The following DPP10 variants were observed in gnomAD, a reference collection of about 807,000 sequenced individuals.
DPP10 encodes inactive dipeptidyl peptidase 10.
Under a neutral mutation model 120.9 loss-of-function variants are expected in DPP10, and 33 were observed. The observed-to-expected ratio is 0.27, with a 90% CI of 0.21 to 0.37. DPP10 has a LOEUF of 0.37. DPP10 is among the 10% of genes least tolerant of loss of function. The pLI, the probability that DPP10 is intolerant of heterozygous loss-of-function variation, is 1.00. For synonymous variants in DPP10, 337 were observed against 326.1 expected (o/e 1.03, Z -0.36); for missense variants, 816 against 942.8 (o/e 0.87, Z 1.76).
intron 3 of DPP10, among the ~76,000 whole-genome samples, chr2:115,365,551 G>T (rs1321868975): frequency 6.6e-6 from 1 of 151,774 alleles, no homozygotes; most frequent in Non-Finnish European, 1.5e-5. Context: ...TCTAAGACTG[G>T]GATTCTTTAT....
intron 11 of DPP10, among the ~76,000 whole-genome samples, chr2:115,761,784 T>G (rs1208077348): frequency 6.6e-6 from 1 of 152,076 alleles, no homozygotes; most frequent in African/African-American, 2.4e-5. Context: ...TAAAAACATA[T>G]AAATAATTTA....
In DPP10 at chr2:115,521,233, G is replaced by A. The variant is rs78408467; in HGVS notation, c.367-4665G>A. 3.6e-3 allele frequency among the ~76,000 whole-genome samples: 546 copies of A among 152,224 alleles called. 3 individuals carry two copies. The highest frequency in any genetic ancestry group is 0.012 in the African/African-American group (507 of 41,538). On this transcript the variant is annotated intron_variant, in intron 4 of 25. Transcript: ENST00000410059. ...CCATGTTCATAACTGCATGATTACT[G>A]GCCCACCCGGTAGAGCATGTCATTT...
chr2:115,356,107 T>A (rs1574537767), intron 3 of DPP10, among the ~76,000 whole-genome samples: 1 of 152,050 alleles, frequency 6.6e-6, no homozygotes, highest in Non-Finnish European at 1.5e-5. Flanking sequence ...TCAATGGTAG[T>A]TTGATGGGAA....
intron 3 of DPP10, among the ~76,000 whole-genome samples, chr2:115,474,826 T>TG (rs1488002845): frequency 6.6e-6 from 1 of 151,288 alleles, no homozygotes; most frequent in Non-Finnish European, 1.5e-5. Context: ...GCCAAGACAA[T>TG]GGGGAAAGAG....
chr2:115,677,107 T>G (rs2090326400), intron 5 of DPP10, among the ~76,000 whole-genome samples: 1 of 152,032 alleles, frequency 6.6e-6, no homozygotes, highest in Non-Finnish European at 1.5e-5. Flanking sequence ...CTTTAGAAAT[T>G]AAGGAGAAAT....
At chr2:115,095,149 T>C (rs1345102272) in intron 1 of DPP10, among the ~76,000 whole-genome samples, 4 of 152,180 alleles carry the variant, frequency 2.6e-5, no homozygotes, top group East Asian at 3.9e-4. Flanking sequence ...AATTAAACAA[T>C]TGAAATGAAT....
intron 1 of DPP10, among the ~76,000 whole-genome samples, chr2:114,761,887 A>G (rs1680314069): frequency 6.6e-6 from 1 of 152,136 alleles, no homozygotes; most frequent in Admixed American, 6.5e-5. Flanking sequence ...TTGATTTTTC[A>G]TTTTACCTAA....
chr2:115,286,502 A>ACATATATT (rs2060387916), intron 1 of DPP10, among the ~76,000 whole-genome samples: 6 of 44,450 alleles, frequency 1.3e-4, no homozygotes, highest in Admixed American at 1.2e-3. Context: ...ATATATATAT[A>ACATATATT]TTACATATAT....
At chr2:115,459,577 T>C (rs1284528810) in intron 3 of DPP10, among the ~76,000 whole-genome samples, 5 of 152,134 alleles carry the variant, frequency 3.3e-5, no homozygotes, top group Non-Finnish European at 1.5e-5. Flanking sequence ...TTGTGATACA[T>C]AAAATATATA....
intron 1 of DPP10, among the ~76,000 whole-genome samples, chr2:114,447,821 G>GA (rs1244383961): frequency 4.6e-5 from 7 of 152,088 alleles, no homozygotes; most frequent in African/African-American, 1.4e-4. Context: ...GAAATCAAAA[G>GA]AAAAAACTTA....
intron 5 of DPP10, among the ~76,000 whole-genome samples, chr2:115,667,539 C>T (rs1382095739): frequency 1.3e-5 from 2 of 152,068 alleles, no homozygotes; most frequent in Non-Finnish European, 2.9e-5. Flanking sequence ...AGAAAGGGTA[C>T]AGTTTCATTC....
chr2:114,659,888 C>T (rs1697262537), intron 1 of DPP10, among the ~76,000 whole-genome samples: 1 of 152,140 alleles, frequency 6.6e-6, no homozygotes, highest in African/African-American at 2.4e-5. Context: ...ATGCAGCTAC[C>T]AGCCACGTAA....
chr2:114,981,534 T>C (rs1700091338), intron 1 of DPP10, among the ~76,000 whole-genome samples: 2 of 152,202 alleles, frequency 1.3e-5, no homozygotes, highest in African/African-American at 4.8e-5. Context: ...AATAGTCTAC[T>C]ACTGGGAATT....
chr2:115,526,028 A>T, intron 5 of DPP10, 56 bp downstream of exon 5: 1 of 1,450,774 alleles, frequency 6.9e-7, no homozygotes, highest in South Asian at 1.2e-5. Context: ...TGGGGTGACA[A>T]TGCATAATTT....
At chr2:114,920,142 G>C (rs1233578353) in intron 1 of DPP10, among the ~76,000 whole-genome samples, 1 of 152,160 alleles carries the variant, frequency 6.6e-6, no homozygotes, top group East Asian at 1.9e-4. Flanking sequence ...GCTTCGGGAG[G>C]GGTGGAGAGG....
rs1332692582 is a variant in DPP10 at position 114,702,038 on chromosome 2, A to AAG, written c.60+259201_60+259202dup. Among the ~76,000 whole-genome samples, 12 of 152,256 alleles carry AAG rather than the reference A, an allele frequency of 7.9e-5. No homozygotes were observed. In the South Asian group the frequency reaches 2.3e-3, roughly 29 times the overall value. On this transcript the variant is annotated intron_variant, in intron 1 of 25. Transcript: ENST00000410059. ...CCAAATTTACTCACTGTCTTTGAAG[A>AAG]AGCTGGTCCTCTGAGCATCTGTAAG...
intron 1 of DPP10, among the ~76,000 whole-genome samples, chr2:114,770,649 A>G (rs906489263): frequency 4.6e-5 from 7 of 152,202 alleles, no homozygotes; most frequent in Non-Finnish European, 1.0e-4. Flanking sequence ...CATTTGTATA[A>G]CTGGGGTGGA....
chr2:115,207,416 C>CAAAAAAAAAAAAAAA (rs57462947), intron 1 of DPP10, among the ~76,000 whole-genome samples: 4 of 52,300 alleles, frequency 7.6e-5, no homozygotes, highest in African/African-American at 2.6e-4. Flanking sequence ...CTTACTGCAC[C>CAAAAAAAAAAAAAAA]AAAAAAAAAA....
At chr2:114,924,347 C>A (rs988657756) in intron 1 of DPP10, among the ~76,000 whole-genome samples, 1 of 151,694 alleles carries the variant, frequency 6.6e-6, no homozygotes, top group Non-Finnish European at 1.5e-5. Flanking sequence ...GGCAACATGG[C>A]GAAACCCCAT....
Sources: gnomAD v4.1 joint callset for allele counts (sites outside exome capture counted in the v4.1 genomes callset) on GRCh38, gnomAD v4.1.1 for gene constraint, MANE v1.5 for transcripts, NCBI Gene and HGNC (gene_info 2026-07-23, HGNC 2026-07-21) for gene names.